Variants in BNC1 observed in about 807,000 individuals in gnomAD.
BNC1 encodes basonuclin zinc finger protein 1.
BNC1 carries 8 observed loss-of-function variants against 66.5 expected under a neutral mutation model. The observed-to-expected ratio is 0.12, with a 90% CI of 0.07 to 0.22. BNC1 has a LOEUF of 0.22. Ranked by LOEUF, BNC1 falls within the 10% of genes least tolerant of loss-of-function variation. BNC1 has a pLI of 1.00. For missense variants in BNC1, 1,069 were observed against 1,241.3 expected, an observed-to-expected ratio of 0.86 and a Z score of 2.09; for synonymous variants, 454 against 452.6, an observed-to-expected ratio of 1.00 and a Z score of -0.04.
At chr15:83,265,807 T>C (rs568595285) in intron 3 of BNC1, among the ~76,000 whole-genome samples, 1 of 152,282 alleles carries the variant, frequency 6.6e-6, no homozygotes, top group East Asian at 1.9e-4. Flanking sequence ...CTCTGGTTTT[T>C]TGACTGGAAA....
At chr15:83,276,447 A>G (rs2038324765) in intron 1 of BNC1, among the ~76,000 whole-genome samples, 1 of 152,252 alleles carries the variant, frequency 6.6e-6, no homozygotes, top group Non-Finnish European at 1.5e-5. Flanking sequence ...GAACAAATCA[A>G]TGAGAGAACT....
intron 1 of BNC1, among the ~76,000 whole-genome samples, chr15:83,280,769 G>T (rs1196452102): frequency 6.6e-6 from 1 of 152,098 alleles, no homozygotes; most frequent in Non-Finnish European, 1.5e-5. Flanking sequence ...GTATTTGGTA[G>T]GATCACACAA....
chr15:83,268,732 G>T (rs2038241580), intron 1 of BNC1, among the ~76,000 whole-genome samples: 1 of 152,190 alleles, frequency 6.6e-6, no homozygotes, highest in Non-Finnish European at 1.5e-5. Context: ...ACATGTAATA[G>T]CTGACTACAC....
intron 1 of BNC1, chr15:83,283,151 G>C: frequency 2.0e-6 from 3 of 1,535,638 alleles, no homozygotes; most frequent in Non-Finnish European, 2.6e-6. Context: ...ACTCGGAGCG[G>C]TGGCAGCCCC....
chr15:83,263,110 T>C lies in BNC1; in HGVS notation c.2141A>G (p.Gln714Arg). The stretch of plus-strand genomic sequence containing the variant: ...ACACTGGAAGCGATTTTCTTCTATC[T>C]GCCTTGCTAATGCATGCTGACCCAC... ...EHVGQHALAR[Q>R]IEENRFQCDI... The change falls in exon 4 of 5, where the codon CAG becomes CGG. Residue 714 changes from glutamine (Q) to arginine (R), a missense_variant. Transcript: ENST00000345382. The C allele has an allele frequency of 6.2e-7, 1 of 1,614,242 alleles. No homozygotes were observed. Among genetic ancestry groups the C allele is most frequent in the Non-Finnish European group, 8.5e-7 (1 of 1,180,036 alleles).
At chr15:83,271,652 A>G (rs1343300757) in intron 1 of BNC1, among the ~76,000 whole-genome samples, 2 of 152,232 alleles carry the variant, frequency 1.3e-5, no homozygotes, top group Non-Finnish European at 2.9e-5. Context: ...ACATACATAC[A>G]TAAACCTATA....
At chr15:83,284,488 C>T in intron 1 of BNC1, 42 bp downstream of exon 1, 1 of 1,179,346 alleles carries the variant, frequency 8.5e-7, no homozygotes, top group Non-Finnish European at 1.1e-6. Context: ...GCCTGCTCCG[C>T]GCACAGAGAA....
At chr15:83,273,375 C>G (rs983007964) in intron 1 of BNC1, among the ~76,000 whole-genome samples, 4 of 152,024 alleles carry the variant, frequency 2.6e-5, no homozygotes, top group African/African-American at 9.7e-5. Flanking sequence ...AATTACAGGA[C>G]AAAAAGTACT....
chr15:83,283,567 C>A (rs1273170866), intron 1 of BNC1: 2 of 957,818 alleles, frequency 2.1e-6, no homozygotes, highest in African/African-American at 1.8e-5. Flanking sequence ...CGTCCCGGCG[C>A]TTCCCATGCA....
intron 1 of BNC1, among the ~76,000 whole-genome samples, chr15:83,277,348 C>T (rs1001192796): frequency 6.6e-5 from 10 of 152,136 alleles, no homozygotes; most frequent in East Asian, 5.8e-4. Flanking sequence ...GTGGCTCTGT[C>T]GCCCAGGCTG....
intron 1 of BNC1, among the ~76,000 whole-genome samples, chr15:83,268,447 A>G (rs943783868): frequency 6.6e-6 from 1 of 152,202 alleles, no homozygotes; most frequent in Non-Finnish European, 1.5e-5. Flanking sequence ...GATATTCCAC[A>G]TTCAAGAATG....
rs774554318 is a variant in BNC1, at chr15:83,263,739, C to G, written c.1512G>C (p.Thr504=). 6.2e-7 allele frequency: 1 copy of G among 1,614,166 alleles called. No individual in the cohort carries two copies. The highest frequency in any genetic ancestry group is 8.5e-7 in the Non-Finnish European group (1 of 1,180,028). The change falls in exon 4 of 5, where the codon ACG becomes ACC. Residue 504 remains threonine, a synonymous_variant. Coordinates refer to ENST00000345382, the MANE Select transcript of BNC1 (RefSeq NM_001717.4). The stretch of plus-strand genomic sequence containing the variant: ...GCGGGAGGGAAGGGAGTATCCCAGG[C>G]GTGTTTGCTACCTCGGCAGGCGTGG... The part of the protein sequence containing the change: ...SPATPAEVAN[T]PGILPSLPLL...
In BNC1 at chr15:83,264,597, G is replaced by A; in HGVS notation, c.654C>T (p.Leu218=). The A allele has an allele frequency of 6.2e-7, 1 of 1,614,156 alleles. No individual in the cohort carries two copies. Among genetic ancestry groups the A allele is most frequent in the Non-Finnish European group, 8.5e-7 (1 of 1,180,026 alleles). Residue 218 remains leucine (L), a synonymous_variant, in exon 4 of 5, where the codon CTC becomes CTT. Coordinates refer to ENST00000345382, the MANE Select transcript of BNC1 (RefSeq NM_001717.4). ...GGTTTCCTTTGTCCACAGGAGTGGG[G>A]AGGCTAGAACTCCTGTGACTGCAGC... ...IESCSHRSSS[L]PTPVDKGNPS...
chr15:83,264,471 C>A lies in BNC1; in HGVS notation c.780G>T (p.Leu260Phe). Residue 260 changes from leucine (L) to phenylalanine (F), a missense_variant, in exon 4 of 5, where the codon TTG (leucine) becomes TTT (phenylalanine). By Grantham distance (22) the Leu-to-Phe change is conservative. Transcript: ENST00000345382. ...CCTGCTCCAACATATATTGTTCGGG[C>A]AATGACCCTATCAGTGCAGGAGGCA... ...NPLPPALIGS[L>F]PEQYMLEQGH... 6.2e-7 allele frequency: 1 copy of A among 1,614,090 alleles called. No individual in the cohort carries two copies. The highest frequency in any genetic ancestry group is 8.5e-7 in the Non-Finnish European group (1 of 1,180,012).
chr15:83,278,150 G>C (rs564760200), intron 1 of BNC1, among the ~76,000 whole-genome samples: 7 of 152,334 alleles, frequency 4.6e-5, no homozygotes, highest in African/African-American at 1.7e-4. Context: ...AGGTGAGAGT[G>C]TCGGACTTTA....
At chr15:83,283,146 G>C (rs1444220444) in intron 1 of BNC1, 2 of 1,535,484 alleles carry the variant, frequency 1.3e-6, no homozygotes, top group African/African-American at 2.7e-5. Flanking sequence ...GTCAGACTCG[G>C]AGCGGTGGCA....
In BNC1 at chr15:83,284,641, C is replaced by G. The variant is rs2038425698; in HGVS notation, c.-13G>C. 2 of 986,526 alleles carry G rather than the reference C, an allele frequency of 2.0e-6. No homozygotes were observed. Among genetic ancestry groups the G allele is most frequent in the African/African-American group, 1.8e-5 (1 of 56,784 alleles). The allele number at this position is 986,526 out of a possible 1,614,324, so 61.1% of individuals were successfully genotyped here. A position where few individuals can be genotyped will look rare whatever the true frequency, so the allele number is the denominator to read the frequency against. On this transcript the variant is annotated 5_prime_UTR_variant, in exon 1 of 5. Transcript: ENST00000345382. ...GGCGCCGCCGCATCCACGCTCCGGC[C>G]GTCGGGGCGCGACCCGGCGAAGTGG...
chr15:83,283,875 T>G (rs2038411727), intron 1 of BNC1, among the ~76,000 whole-genome samples: 2 of 152,108 alleles, frequency 1.3e-5, no homozygotes, highest in Admixed American at 1.3e-4. Context: ...CTTTCAGTCG[T>G]GGGTTTTTTG....
In BNC1 at chr15:83,266,842, T is replaced by A; in HGVS notation, c.429A>T (p.Val143=). ...WTLQDYIRGY[V]LQDASGKVLD... Reference sequence around the variant, plus strand: ...ATGTTCATGTTTACTGTACCTGCAGTACGTATCCACGGATATAATCCTGAA... The same window carrying A: ...ATGTTCATGTTTACTGTACCTGCAGAACGTATCCACGGATATAATCCTGAA... The change falls in exon 3 of 5, where the codon GTA becomes GTT. Residue 143 remains valine, a synonymous_variant. Coordinates refer to ENST00000345382, the MANE Select transcript of BNC1 (RefSeq NM_001717.4). 6.2e-7 allele frequency: 1 copy of A among 1,613,462 alleles called. No individual in the cohort carries two copies. The highest frequency in any genetic ancestry group is 8.5e-7 in the Non-Finnish European group (1 of 1,179,350).
Sources: gnomAD v4.1 joint callset for allele counts (sites outside exome capture counted in the v4.1 genomes callset) on GRCh38, gnomAD v4.1.1 for gene constraint, MANE v1.5 for transcripts, NCBI Gene and HGNC (gene_info 2026-07-23, HGNC 2026-07-21) for gene names.